PPP2R2C: variants seen among roughly 807,000 people sequenced by gnomAD.
PPP2R2C encodes protein phosphatase 2, regulatory subunit B, gamma.
Under a neutral mutation model 45.3 loss-of-function variants are expected in PPP2R2C, and 10 were observed. The ratio of observed to expected loss-of-function variants is 0.22; its 90% CI spans 0.14 to 0.37. PPP2R2C has a LOEUF of 0.37. PPP2R2C is among the 10% of genes least tolerant of loss of function. The pLI is 1.00. For synonymous variants in PPP2R2C, 257 were observed against 245.4 expected (o/e 1.05, Z -0.44); for missense variants, 308 against 619.7 (o/e 0.50, Z 5.34).
intron 1 of PPP2R2C, among the ~76,000 whole-genome samples, chr4:6,458,669 G>A (rs1560563603): frequency 6.6e-6 from 1 of 152,118 alleles, no homozygotes; most frequent in Non-Finnish European, 1.5e-5. Context: ...TAACAGGTGT[G>A]TACAAGCAAT....
intron 1 of PPP2R2C, among the ~76,000 whole-genome samples, chr4:6,553,520 CA>C (rs1725254780): frequency 6.6e-6 from 1 of 152,194 alleles, no homozygotes. Flanking sequence ...CTTGAGCCTA[CA>C]GCACCACACT....
chr4:6,459,477 C>T (rs1282325782), intron 1 of PPP2R2C, among the ~76,000 whole-genome samples: 3 of 152,178 alleles, frequency 2.0e-5, no homozygotes, highest in Non-Finnish European at 4.4e-5. Context: ...CATCTAACCA[C>T]ATAAAATCAA....
intron 2 of PPP2R2C, among the ~76,000 whole-genome samples, chr4:6,514,922 A>T (rs1723783988): frequency 6.6e-6 from 1 of 151,772 alleles, no homozygotes; most frequent in African/African-American, 2.4e-5. Flanking sequence ...CATCACTACA[A>T]TCTCTGTCTC....
intron 1 of PPP2R2C, among the ~76,000 whole-genome samples, chr4:6,540,831 T>C (rs1724783788): frequency 6.6e-6 from 1 of 152,252 alleles, no homozygotes; most frequent in Admixed American, 6.5e-5. Context: ...TCCCAGCCTG[T>C]ATCAGTTAGG....
At chr4:6,554,775 G>A (rs750304940) in intron 1 of PPP2R2C, among the ~76,000 whole-genome samples, 9 of 150,882 alleles carry the variant, frequency 6.0e-5, no homozygotes, top group East Asian at 2.0e-4. Flanking sequence ...CACGAGAATC[G>A]CTTGAACCCA....
At chr4:6,535,066 G>T (rs1396030911) in intron 2 of PPP2R2C, among the ~76,000 whole-genome samples, 6 of 152,242 alleles carry the variant, frequency 3.9e-5, no homozygotes, top group African/African-American at 1.4e-4. Context: ...GGCGGCAATG[G>T]GGGCTGGTGG....
chr4:6,335,646 C>T (rs188864719), intron 6 of PPP2R2C, among the ~76,000 whole-genome samples: 15 of 151,866 alleles, frequency 9.9e-5, no homozygotes, highest in African/African-American at 2.2e-4. Flanking sequence ...CCCCTCCCGA[C>T]GGAGGAAGGA....
At chr4:6,443,083 G>A (rs1330638548) in intron 1 of PPP2R2C, among the ~76,000 whole-genome samples, 4 of 152,112 alleles carry the variant, frequency 2.6e-5, no homozygotes, top group African/African-American at 9.7e-5. Flanking sequence ...TTCCACCCCA[G>A]GAACCTGGGA....
intron 1 of PPP2R2C, chr4:6,381,744 C>A: frequency 6.3e-7 from 1 of 1,599,162 alleles, no homozygotes; most frequent in South Asian, 1.1e-5. Context: ...TCAGGTCACT[C>A]AGGAACCTCT....
upstream of PPP2R2C, among the ~76,000 whole-genome samples, chr4:6,474,726 C>A (rs755540682): frequency 6.6e-6 from 1 of 151,500 alleles, no homozygotes; most frequent in African/African-American, 2.4e-5. Context: ...CCCTCACCAC[C>A]CCATCCTGCC....
At chr4:6,355,903 A>T (rs566596335) in intron 5 of PPP2R2C, among the ~76,000 whole-genome samples, 2 of 147,510 alleles carry the variant, frequency 1.4e-5, no homozygotes, top group East Asian at 4.2e-4. Context: ...CTGAGGCAGG[A>T]GAATCACTTG....
chr4:6,502,208 G>A (rs1246886281), intron 2 of PPP2R2C, among the ~76,000 whole-genome samples: 1 of 152,180 alleles, frequency 6.6e-6, no homozygotes, highest in East Asian at 1.9e-4. Flanking sequence ...TCCCACCTTC[G>A]GGAGCTATGC....
chr4:6,427,323 T>C (rs530400367), intron 1 of PPP2R2C, among the ~76,000 whole-genome samples: 50 of 152,356 alleles, frequency 3.3e-4, no homozygotes, highest in African/African-American at 9.9e-4. Flanking sequence ...ACGTGGGAAA[T>C]CCTGGCAGGA....
chr4:6,461,173 T>C (rs988271900), intron 1 of PPP2R2C, among the ~76,000 whole-genome samples: 1 of 152,184 alleles, frequency 6.6e-6, no homozygotes, highest in African/African-American at 2.4e-5. Flanking sequence ...AGCCACCGCA[T>C]GACTCTGGAC....
At chr4:6,535,327 G>C (rs1724570213) in exon 2 of PPP2R2C, 2 of 1,535,214 alleles carry the variant, frequency 1.3e-6, no homozygotes, top group Non-Finnish European at 1.7e-6. Flanking sequence ...CATCCTGAGA[G>C]AGGTGACTAA....
intron 1 of PPP2R2C, among the ~76,000 whole-genome samples, chr4:6,464,597 T>C (rs4689455): frequency 0.72 from 110,216 of 152,134 alleles, 40,495 homozygotes; most frequent in African/African-American, 0.84. Flanking sequence ...TGAATTACAA[T>C]AAATATTTTT....
chr4:6,545,864 G>A (rs75949500), intron 1 of PPP2R2C, among the ~76,000 whole-genome samples: 1,565 of 152,208 alleles, frequency 0.01, 19 homozygotes, highest in African/African-American at 0.035. Context: ...TCAGTATTTC[G>A]CTGACCAACA....
intron 2 of PPP2R2C, among the ~76,000 whole-genome samples, chr4:6,523,862 C>T (rs1443409933): frequency 3.9e-5 from 6 of 152,194 alleles, no homozygotes; most frequent in Non-Finnish European, 5.9e-5. Context: ...ATGTGGTCCA[C>T]TCATACAGTG....
intron 1 of PPP2R2C, among the ~76,000 whole-genome samples, chr4:6,541,672 A>G (rs963583027): frequency 2.6e-5 from 4 of 152,128 alleles, no homozygotes; most frequent in African/African-American, 9.7e-5. Context: ...CAGCCTCCAG[A>G]GTAGCTGGGA....
Sources: gnomAD v4.1 joint callset for allele counts (sites outside exome capture counted in the v4.1 genomes callset) on GRCh38, gnomAD v4.1.1 for gene constraint, MANE v1.5 for transcripts, NCBI Gene and HGNC (gene_info 2026-07-23, HGNC 2026-07-21) for gene names.